PRKACB: variants seen among roughly 807,000 people sequenced by gnomAD.
PRKACB encodes the protein protein kinase cAMP-activated catalytic subunit beta.
Under a neutral mutation model 51.4 loss-of-function variants are expected in PRKACB, and 16 were observed. The ratio of observed to expected loss-of-function variants is 0.31; its 90% confidence interval spans 0.21 to 0.47. PRKACB has a LOEUF of 0.47. Ranked by LOEUF, PRKACB falls within the 20% of genes least tolerant of loss-of-function variation. The pLI, the probability that PRKACB is intolerant of heterozygous loss-of-function variation, is 1.00. For synonymous variants in PRKACB, 147 were observed against 154.4 expected (o/e 0.95, Z 0.35); for missense variants, 309 against 464.5 (o/e 0.67, Z 3.08).
chr1:84,082,548 A>G (rs1020448355), intron 1 of PRKACB, among the ~76,000 whole-genome samples: 9 of 152,110 alleles, frequency 5.9e-5, no homozygotes, highest in African/African-American at 1.9e-4. Flanking sequence ...TTCTTGCCCA[A>G]TAGTTGATAA....
chr1:84,079,238 G>C (rs1317034822), intron 1 of PRKACB, among the ~76,000 whole-genome samples: 1 of 152,098 alleles, frequency 6.6e-6, no homozygotes, highest in Non-Finnish European at 1.5e-5. Context: ...ATAAAAGTTG[G>C]TTTGCCTTTG....
At chr1:84,129,467 T>C (rs921424659) in intron 1 of PRKACB, among the ~76,000 whole-genome samples, 1 of 152,184 alleles carries the variant, frequency 6.6e-6, no homozygotes, top group Non-Finnish European at 1.5e-5. Context: ...GCATGTAACT[T>C]TTTGTCTCAT....
intron 1 of PRKACB, among the ~76,000 whole-genome samples, chr1:84,104,641 C>G (rs1044207965): frequency 6.6e-6 from 1 of 152,012 alleles, no homozygotes; most frequent in South Asian, 2.1e-4. Flanking sequence ...AGACTATTGT[C>G]TTTTTAACAA....
At chr1:84,184,274 T>A in intron 4 of PRKACB, 139 bp downstream of exon 4, 1 of 685,974 alleles carries the variant, frequency 1.5e-6, no homozygotes, top group Non-Finnish European at 2.2e-6. Flanking sequence ...TTTGTGTAAT[T>A]AAATCCTATT....
intron 9 of PRKACB, among the ~76,000 whole-genome samples, chr1:84,224,130 G>A (rs639940): frequency 0.95 from 144,852 of 152,298 alleles, 69,335 homozygotes; most frequent in East Asian, 1. Flanking sequence ...GGCTTAGGCC[G>A]CATTATTGGT....
In PRKACB at chr1:84,133,517, C is replaced by T. The variant is rs180710034; in HGVS notation, c.47-45660C>T. ...AACAACATGCTGGGTGATAATGAAA[C>T]AGGAAGTTTTCCCTGATGCCTTCGT... is the stretch of plus-strand genomic sequence containing the variant. On this transcript the variant is annotated intron_variant, in intron 1 of 8. Coordinates refer to the PRKACB transcript ENST00000370688. 1.6e-3 allele frequency among the ~76,000 whole-genome samples: 236 copies of T among 152,214 alleles called. 3 individuals are homozygous for T. The highest frequency in any genetic ancestry group is 1.1e-3 in the Admixed American group (17 of 15,302).
intron 5 of PRKACB, among the ~76,000 whole-genome samples, chr1:84,192,625 C>T (rs187012655): frequency 1.4e-4 from 22 of 152,068 alleles, no homozygotes; most frequent in Non-Finnish European, 2.2e-4. Flanking sequence ...AACTTGTCTC[C>T]GCTAGCTTTG....
At chr1:84,195,989 AGCATAGTAAAAGATTTGGAAATTCTGAT>A (rs1369599728) in intron 5 of PRKACB, among the ~76,000 whole-genome samples, 3 of 152,260 alleles carry the variant, frequency 2.0e-5, no homozygotes, top group Non-Finnish European at 2.9e-5. Context: ...TATGTAAACA[AGCATAGTAAAAGATTTGGAAATTCTGAT>A]GCCAAGATTG....
At chr1:84,144,645 T>C in intron 1 of PRKACB, 97 bp downstream of exon 1, 1 of 1,286,582 alleles carries the variant, frequency 7.8e-7, no homozygotes, top group African/African-American at 1.6e-5. Context: ...TTGTTTGTTG[T>C]TTTCTGATTT....
At chr1:84,103,848 A>G (rs1302311180) in intron 1 of PRKACB, among the ~76,000 whole-genome samples, 1 of 152,184 alleles carries the variant, frequency 6.6e-6, no homozygotes, top group African/African-American at 2.4e-5. Context: ...TTTTTAGTTG[A>G]CACATAATAA....
At chr1:84,151,084 G>C (rs1277049757) in intron 1 of PRKACB, among the ~76,000 whole-genome samples, 1 of 152,094 alleles carries the variant, frequency 6.6e-6, no homozygotes, top group African/African-American at 2.4e-5. Flanking sequence ...AAAAATTTAA[G>C]ATTGAATCTC....
At chr1:84,232,542 A>G (rs951143525) in intron 9 of PRKACB, among the ~76,000 whole-genome samples, 123 of 152,172 alleles carry the variant, frequency 8.1e-4, no homozygotes, top group African/African-American at 2.9e-3. Flanking sequence ...AATGTGTGGG[A>G]GTCTAAGTCT....
intron 2 of PRKACB, among the ~76,000 whole-genome samples, chr1:84,179,722 CTG>C (rs1662567004): frequency 6.6e-6 from 1 of 151,726 alleles, no homozygotes; most frequent in South Asian, 2.1e-4. Context: ...GATCTAAAAA[CTG>C]TATATAAAAA....
intron 9 of PRKACB, among the ~76,000 whole-genome samples, chr1:84,224,730 G>A (rs985701225): frequency 1.3e-5 from 2 of 152,228 alleles, no homozygotes; most frequent in Admixed American, 1.3e-4. Context: ...GTGTTTGAGT[G>A]CAGGCAGTCA....
Position 84,078,521 on chromosome 1 carries a change from C to G in PRKACB, c.46+150C>G. ...TTCTGGGGGGCCGGGAGACCAGCTG[C>G]CTTTCTCCTCCATTCCGACCCCCCA... On this transcript the variant is annotated intron_variant, in intron 1 of 8. Coordinates refer to the PRKACB transcript ENST00000370688. 5 of 851,620 alleles carry G rather than the reference C, an allele frequency of 5.9e-6. No individual in the cohort carries two copies. The South Asian group carries it at 8.8e-5, about 15-fold the overall frequency. 52.8% of individuals were successfully genotyped at this position (851,620 alleles called of 1,614,324 possible).
chr1:84,211,812 A>G (rs1020437866), intron 8 of PRKACB, among the ~76,000 whole-genome samples: 1 of 152,182 alleles, frequency 6.6e-6, no homozygotes, highest in Admixed American at 6.5e-5. Context: ...GCCAGTACAG[A>G]AAGTGTTTAG....
At chr1:84,111,042 G>A (rs1451696055) in intron 1 of PRKACB, among the ~76,000 whole-genome samples, 1 of 151,822 alleles carries the variant, frequency 6.6e-6, no homozygotes, top group Non-Finnish European at 1.5e-5. Context: ...CAGTTTCTTA[G>A]CCATTCTCCC....
At chr1:84,146,417 A>T (rs1033880838) in intron 1 of PRKACB, among the ~76,000 whole-genome samples, 6 of 151,944 alleles carry the variant, frequency 3.9e-5, no homozygotes, top group Non-Finnish European at 7.4e-5. Flanking sequence ...AGGAGAAAAC[A>T]CTGATAGAGC....
chr1:84,079,207 A>G (rs1647333645), intron 1 of PRKACB, among the ~76,000 whole-genome samples: 1 of 152,162 alleles, frequency 6.6e-6, no homozygotes, highest in African/African-American at 2.4e-5. Context: ...GTGTGTATAT[A>G]TGTGTCAGAA....
Sources: gnomAD v4.1 joint callset for allele counts (sites outside exome capture counted in the v4.1 genomes callset) on GRCh38, gnomAD v4.1.1 for gene constraint, MANE v1.5 for transcripts, NCBI Gene and HGNC (gene_info 2026-07-23, HGNC 2026-07-21) for gene names.